Variants in SGMS2 observed in about 807,000 individuals in gnomAD.
SGMS2 encodes the protein sphingomyelin synthase 2.
SGMS2 carries 21 observed loss-of-function variants against 43.8 expected under a neutral mutation model. That is an observed-to-expected ratio of 0.48 (90% CI 0.34 to 0.69). The LOEUF is 0.69. Ranked by LOEUF, SGMS2 falls within the 30% of genes least tolerant of loss-of-function variation. The pLI is 0.01. For missense variants in SGMS2, 384 were observed against 443.2 expected (o/e 0.87, Z 1.20); for synonymous variants, 167 against 160.6 (o/e 1.04, Z -0.30).
At chr4:107,897,719 G>A (rs1730795600) in intron 3 of SGMS2, among the ~76,000 whole-genome samples, 1 of 152,136 alleles carries the variant, frequency 6.6e-6, no homozygotes, top group Admixed American at 6.5e-5. Context: ...GATATCCACT[G>A]TTTCAGTCGC....
At chr4:107,896,161 G>A (rs947530337) in intron 3 of SGMS2, among the ~76,000 whole-genome samples, 153 bp downstream of exon 3, 2 of 152,098 alleles carry the variant, frequency 1.3e-5, no homozygotes, top group Non-Finnish European at 2.9e-5. Context: ...CTACCACATT[G>A]AATAAATTCA....
chr4:107,894,705 G>A (rs1201288608), intron 2 of SGMS2, among the ~76,000 whole-genome samples: 4 of 152,120 alleles, frequency 2.6e-5, no homozygotes, highest in African/African-American at 9.7e-5. Context: ...TGTATATGGT[G>A]TGCGTCTCTG....
At chr4:107,853,929 A>G (rs965634857) in intron 1 of SGMS2, among the ~76,000 whole-genome samples, 2 of 152,240 alleles carry the variant, frequency 1.3e-5, no homozygotes, top group Non-Finnish European at 2.9e-5. Flanking sequence ...TTAGTTATAA[A>G]TGCCATCTCT....
chr4:107,892,427 C>A (rs1266330425), intron 2 of SGMS2, among the ~76,000 whole-genome samples: 1 of 117,352 alleles, frequency 8.5e-6, no homozygotes, highest in African/African-American at 2.9e-5. Context: ...TCAGGGGCAC[C>A]TCCACTCAGA....
rs1732354864 is a variant in SGMS2, at chr4:107,914,835, G to A, written c.*4282G>A. ...TTGTAAACATTTCAGGAGGAATTTA[G>A]GAGTGTAACTATAGTTTATACTTCT... is the stretch of plus-strand genomic sequence containing the variant. On this transcript the variant is annotated 3_prime_UTR_variant, in exon 7 of 7. Transcript: ENST00000690982. 1 of 152,084 alleles carries A rather than the reference G, an allele frequency of 6.6e-6. No homozygotes were observed. Among genetic ancestry groups the A allele is most frequent in the Non-Finnish European group, 1.5e-5 (1 of 67,974 alleles). 9.4% of individuals were successfully genotyped at this position (152,084 alleles called of 1,614,324 possible).
chr4:107,897,601 C>A (rs1160677), intron 3 of SGMS2, among the ~76,000 whole-genome samples: 127,795 of 152,108 alleles, frequency 0.84, 55,292 homozygotes, highest in East Asian at 0.97. Flanking sequence ...TCATCTAGAT[C>A]CTTTTTGAAT....
chr4:107,865,573 G>T (rs7678871), intron 2 of SGMS2, among the ~76,000 whole-genome samples: 82,508 of 152,046 alleles, frequency 0.54, 23,376 homozygotes, highest in African/African-American at 0.67. Context: ...TTATAAAGCA[G>T]AATACTTTTT....
At chr4:107,855,106 A>G (rs1727349857) in intron 1 of SGMS2, among the ~76,000 whole-genome samples, 1 of 152,152 alleles carries the variant, frequency 6.6e-6, no homozygotes, top group Admixed American at 6.6e-5. Context: ...CTCTATTTTA[A>G]TCATTTAACA....
intron 2 of SGMS2, among the ~76,000 whole-genome samples, chr4:107,872,506 GAATA>G (rs2126060657): frequency 6.6e-6 from 1 of 152,056 alleles, no homozygotes; most frequent in South Asian, 2.1e-4. Flanking sequence ...AAATATTATT[GAATA>G]AATAATTATC....
intron 2 of SGMS2, among the ~76,000 whole-genome samples, chr4:107,859,960 T>G (rs1041218356): frequency 8.5e-6 from 1 of 118,148 alleles, no homozygotes; most frequent in Non-Finnish European, 1.7e-5. Flanking sequence ...AGGATTACTG[T>G]TTTTTTTTTC....
chr4:107,837,517 A>T (rs1300117520), intron 1 of SGMS2, among the ~76,000 whole-genome samples: 2 of 152,134 alleles, frequency 1.3e-5, no homozygotes, highest in Non-Finnish European at 2.9e-5. Flanking sequence ...TAGGCAAGAG[A>T]TGGGTGTGGC....
intron 1 of SGMS2, among the ~76,000 whole-genome samples, chr4:107,833,426 C>A (rs1726001243): frequency 6.6e-6 from 1 of 152,140 alleles, no homozygotes; most frequent in Admixed American, 6.5e-5. Flanking sequence ...ACAGCTTGAA[C>A]ATTCCTAGTC....
At chr4:107,874,045 C>CT (rs1467959813) in intron 2 of SGMS2, 1 of 152,124 alleles carries the variant, frequency 6.6e-6, no homozygotes, top group East Asian at 1.9e-4. Flanking sequence ...TCCGAAGGGA[C>CT]AGCTTGGATA....
intron 1 of SGMS2, among the ~76,000 whole-genome samples, chr4:107,850,899 G>T (rs1476407010): frequency 6.6e-6 from 1 of 152,134 alleles, no homozygotes. Flanking sequence ...AGATTCAGTT[G>T]CAAAACCTTC....
intron 2 of SGMS2, among the ~76,000 whole-genome samples, chr4:107,869,306 G>A (rs1728375708): frequency 6.6e-6 from 1 of 152,160 alleles, no homozygotes; most frequent in Admixed American, 6.5e-5. Context: ...AGAGCCAAGT[G>A]TGTAAGCAAG....
chr4:107,911,103 C>T lies in SGMS2; in HGVS notation c.*550C>T, dbSNP rs1732086894. On this transcript the variant is annotated 3_prime_UTR_variant, in exon 7 of 7. Transcript: ENST00000690982. Reference sequence around the variant, plus strand: ...AGTTCGGGTTGAGTCCAGGAGTGCACACTGCTGCTGCCACCCAATGCGCTA... The same window carrying T: ...AGTTCGGGTTGAGTCCAGGAGTGCATACTGCTGCTGCCACCCAATGCGCTA... 1 of 152,616 alleles carries T rather than the reference C, an allele frequency of 6.6e-6. No individual in the cohort carries two copies. Among genetic ancestry groups the T allele is most frequent in the Non-Finnish European group, 1.5e-5 (1 of 68,376 alleles). The allele number at this position is 152,616 out of a possible 1,614,324, so 9.5% of individuals were successfully genotyped here. A position where few individuals can be genotyped will look rare whatever the true frequency, so the allele number is the denominator to read the frequency against.
At chr4:107,827,900 C>T (rs182755125) in intron 1 of SGMS2, among the ~76,000 whole-genome samples, 10 of 152,200 alleles carry the variant, frequency 6.6e-5, no homozygotes, top group Non-Finnish European at 1.5e-4. Context: ...GCAGGAGAAT[C>T]GCTTGAACCT....
chr4:107,839,216 T>C (rs1179048795), intron 1 of SGMS2, among the ~76,000 whole-genome samples: 3 of 152,194 alleles, frequency 2.0e-5, no homozygotes, highest in African/African-American at 7.2e-5. Flanking sequence ...GAAACTTTCA[T>C]TTGCCCCATT....
intron 1 of SGMS2, among the ~76,000 whole-genome samples, chr4:107,833,576 G>A (rs74380703): frequency 0.04 from 6,032 of 152,120 alleles, 405 homozygotes; most frequent in African/African-American, 0.14. Context: ...AAATTATTTA[G>A]AACATACAAA....
Sources: gnomAD v4.1 joint callset for allele counts (sites outside exome capture counted in the v4.1 genomes callset) on GRCh38, gnomAD v4.1.1 for gene constraint, MANE v1.5 for transcripts, NCBI Gene and HGNC (gene_info 2026-07-23, HGNC 2026-07-21) for gene names.